TRAFD1: variants seen among roughly 807,000 people sequenced by gnomAD.
The protein encoded by TRAFD1 is TRAF-type zinc finger domain containing 1, also known as TRAF-type zinc finger domain-containing protein 1.
Under a neutral mutation model 65.3 loss-of-function variants are expected in TRAFD1, and 38 were observed. That is an observed-to-expected ratio of 0.58 (90% CI 0.45 to 0.76). TRAFD1 has a LOEUF of 0.76. TRAFD1 is among the 30% of genes least tolerant of loss of function. The probability of loss-of-function intolerance (pLI) is 0.00; values close to 1 mark genes in which losing one functional copy is unlikely to be tolerated. For missense variants in TRAFD1, 631 were observed against 712.6 expected (o/e 0.89, Z 1.30); for synonymous variants, 223 against 257.2 (o/e 0.87, Z 1.27).
At chr12:112,133,209 T>C (rs758153256) in intron 2 of TRAFD1, 17 of 152,106 alleles carry the variant, frequency 1.1e-4, no homozygotes, top group Admixed American at 3.3e-4. Flanking sequence ...ACCAGACTGG[T>C]GGAGGAAAGG....
chr12:112,138,652 G>C (rs1305405830), intron 4 of TRAFD1, among the ~76,000 whole-genome samples: 3 of 151,884 alleles, frequency 2.0e-5, no homozygotes, highest in Non-Finnish European at 2.9e-5. Flanking sequence ...GAGGTCAAGA[G>C]TTCAAGACCA....
At chr12:112,140,766 A>G in intron 4 of TRAFD1, 53 bp from the exon 5 acceptor site, 1 of 1,594,828 alleles carries the variant, frequency 6.3e-7, no homozygotes, top group Non-Finnish European at 8.6e-7. Context: ...CCTATACTAA[A>G]ACACACCTCT....
chr12:112,144,154 C>T (rs941588724), intron 6 of TRAFD1, among the ~76,000 whole-genome samples: 4 of 152,006 alleles, frequency 2.6e-5, no homozygotes, highest in Admixed American at 1.3e-4. Context: ...AGGCTTGCTA[C>T]GTGTGTGTGT....
chr12:112,147,924 C>T, intron 7 of TRAFD1, 150 bp from the exon 8 acceptor site: 1 of 611,044 alleles, frequency 1.6e-6, no homozygotes, highest in Non-Finnish European at 2.7e-6. Context: ...CTGCCTCGGC[C>T]TCCCAAAGTG....
intron 2 of TRAFD1, chr12:112,133,376 G>C (rs2079575711): frequency 6.6e-6 from 1 of 152,150 alleles, no homozygotes; most frequent in South Asian, 2.1e-4. Flanking sequence ...TCCAAAAGCT[G>C]GAGTCTTCTC....
At chr12:112,146,196 GA>G (rs1228479138) in intron 7 of TRAFD1, among the ~76,000 whole-genome samples, 82 of 33,902 alleles carry the variant, frequency 2.4e-3, no homozygotes, top group Admixed American at 6.1e-3. Context: ...AGAAGAAGAA[GA>G]AAAAAAAAAA....
chr12:112,126,086 C>T (rs371629079), intron 1 of TRAFD1: 1 of 152,270 alleles, frequency 6.6e-6, no homozygotes, highest in African/African-American at 2.4e-5. Flanking sequence ...CTTTCGTAGC[C>T]TCTAAAGTGG....
chr12:112,152,415 G>A lies in TRAFD1; in HGVS notation c.1620-12G>A. The A allele has an allele frequency of 6.2e-7, 1 of 1,611,984 alleles. No individual in the cohort carries two copies. Among genetic ancestry groups the A allele is most frequent in the Non-Finnish European group, 8.5e-7 (1 of 1,180,036 alleles). Reference sequence around the variant, plus strand: ...ACACTTCAGGAGCTAGTTTCTAATTGTTTTCTTTCAGTGGTAGGAGTGAAG... The same window carrying A: ...ACACTTCAGGAGCTAGTTTCTAATTATTTTCTTTCAGTGGTAGGAGTGAAG... On this transcript the variant is annotated splice_polypyrimidine_tract_variant and intron_variant, in intron 10 of 11. Transcript: ENST00000412615. The surrounding 1 kb of genome is among the most constrained non-coding windows in gnomAD (Gnocchi z 5.0).
At position 112,130,627 on chromosome 12, in the gene TRAFD1, A is replaced by C. The variant is rs1444010373; in HGVS notation, c.47+58A>C. 79 of 1,477,098 alleles carry C rather than the reference A, an allele frequency of 5.3e-5. No individual in the cohort carries two copies. Among genetic ancestry groups the C allele is most frequent in the Non-Finnish European group, 6.8e-5 (72 of 1,064,658 alleles). 91.5% of individuals were successfully genotyped at this position (1,477,098 alleles called of 1,614,324 possible). A position where few individuals can be genotyped will look rare whatever the true frequency, so the allele number is the denominator to read the frequency against. On this transcript the variant is annotated intron_variant, in intron 2 of 11. Coordinates refer to ENST00000412615, the MANE Select transcript of TRAFD1 (RefSeq NM_006700.3). The surrounding 1 kb of genome is among the most constrained non-coding windows in gnomAD (Gnocchi z 4.4). ...ATGAGGACAGTCAAGCTTAATCACTATCATTTCCTGATTTAAAAACTGTTA... is the reference window on the plus strand; with the variant it reads ...ATGAGGACAGTCAAGCTTAATCACTCTCATTTCCTGATTTAAAAACTGTTA...
intron 1 of TRAFD1, chr12:112,126,231 G>A (rs2079536585): frequency 6.6e-6 from 1 of 152,214 alleles, no homozygotes; most frequent in South Asian, 2.1e-4. Context: ...GGACGGGGGC[G>A]ATTGGAAACT....
At chr12:112,151,693 T>C (rs2030410522) in intron 9 of TRAFD1, 108 bp from the exon 10 acceptor site, 1 of 1,136,752 alleles carries the variant, frequency 8.8e-7, no homozygotes, top group South Asian at 1.6e-5. Context: ...CCACCACGCC[T>C]GGCTGAGCAG....
intron 2 of TRAFD1, among the ~76,000 whole-genome samples, chr12:112,134,001 ATTTTTT>A (rs545753010): frequency 4.2e-5 from 4 of 95,154 alleles, no homozygotes; most frequent in Admixed American, 1.1e-4. Flanking sequence ...AAAGGATTTA[ATTTTTT>A]TTTTTTTTTT....
At chr12:112,150,688 A>G (rs115159878) in intron 9 of TRAFD1, among the ~76,000 whole-genome samples, 2,191 of 151,776 alleles carry the variant, frequency 0.014, 58 homozygotes, top group African/African-American at 0.051. Flanking sequence ...AGTAGCTGGG[A>G]CTATAGGTAG....
At chr12:112,126,065 G>A (rs1339599571) in intron 1 of TRAFD1, 1 of 152,274 alleles carries the variant, frequency 6.6e-6, no homozygotes, top group Non-Finnish European at 1.5e-5. Context: ...GAAAACTCAG[G>A]TGGCCTTCCG....
chr12:112,132,594 C>T (rs1278739631), intron 2 of TRAFD1, among the ~76,000 whole-genome samples: 1 of 152,192 alleles, frequency 6.6e-6, no homozygotes, highest in African/African-American at 2.4e-5. Flanking sequence ...CTTCCCATCT[C>T]TCACAGTTGA....
intron 7 of TRAFD1, among the ~76,000 whole-genome samples, chr12:112,146,050 A>G (rs995457680): frequency 2.0e-5 from 3 of 150,740 alleles, no homozygotes; most frequent in African/African-American, 7.3e-5. Flanking sequence ...GGATAGCATT[A>G]GGAGATATAC....
At chr12:112,146,527 T>C (rs781313574) in intron 7 of TRAFD1, among the ~76,000 whole-genome samples, 1 of 152,248 alleles carries the variant, frequency 6.6e-6, no homozygotes, top group Non-Finnish European at 1.5e-5. Context: ...TGGAGCTGTA[T>C]TGAAGTCCTT....
chr12:112,130,454 G>T lies in TRAFD1; in HGVS notation c.-12-57G>T. The T allele has an allele frequency of 1.4e-6, 2 of 1,425,142 alleles. No individual in the cohort carries two copies. Among genetic ancestry groups the T allele is most frequent in the Non-Finnish European group, 9.8e-7 (1 of 1,019,648 alleles). 88.3% of individuals were successfully genotyped at this position (1,425,142 alleles called of 1,614,324 possible). The stretch of plus-strand genomic sequence containing the variant: ...TAGTTTTTTATTTGTTTTTTTGCAT[G>T]TCATCTTTAAAGCAGAAATGAAAGA... On this transcript the variant is annotated intron_variant, in intron 1 of 11. Coordinates refer to ENST00000412615, the MANE Select transcript of TRAFD1 (RefSeq NM_006700.3). This position sits in a 1 kb window ranked among gnomAD's most constrained non-coding sequence, Gnocchi z 4.4.
In TRAFD1 at chr12:112,142,305, C is replaced by T. The variant is rs1404873561; in HGVS notation, c.850+10C>T. On this transcript the variant is annotated intron_variant, in intron 6 of 11. Transcript: ENST00000412615. ...CTCAGTGACATAAAGGGTAGGCTTG[C>T]TTATTCTGCACTAGCCTCTTTCTCT... 1.2e-6 allele frequency: 2 copies of T among 1,608,442 alleles called. No homozygotes were observed. Among genetic ancestry groups the T allele is most frequent in the African/African-American group, 2.7e-5 (2 of 74,774 alleles).
Sources: allele counts gnomAD v4.1 joint callset (sites outside exome capture counted in the v4.1 genomes callset), GRCh38; gene constraint gnomAD v4.1.1; non-coding constraint Gnocchi (gnomAD v3.1); transcripts MANE v1.5; gene names NCBI Gene and HGNC (gene_info 2026-07-23, HGNC 2026-07-21).